CDC73: variants seen among roughly 807,000 people sequenced by gnomAD.
CDC73 encodes cell division cycle 73.
A neutral mutation model predicts 83.7 loss-of-function variants in CDC73; 21 were observed. The observed-to-expected ratio is 0.25, with a 90% CI of 0.18 to 0.36. The LOEUF (loss-of-function observed/expected upper bound fraction) is 0.36. Among genes scored for constraint, CDC73 ranks in the 10% least tolerant of loss-of-function variants. CDC73 has a pLI of 1.00. For missense variants in CDC73, 342 were observed against 653.3 expected, an observed-to-expected ratio of 0.52 and a Z score of 5.19; for synonymous variants, 224 against 212.9, an observed-to-expected ratio of 1.05 and a Z score of -0.45.
intron 10 of CDC73, among the ~76,000 whole-genome samples, chr1:193,194,187 G>A (rs929848448): frequency 6.6e-6 from 1 of 152,086 alleles, no homozygotes; most frequent in South Asian, 2.1e-4. Context: ...CACATTCAAG[G>A]TTGTACTACA....
intron 15 of CDC73, chr1:193,237,234 C>G (rs1199899164): frequency 6.6e-6 from 1 of 151,830 alleles, no homozygotes; most frequent in East Asian, 1.9e-4. Flanking sequence ...TTTTAGCAGC[C>G]CCAGTTTTTG....
chr1:193,187,102 T>TTCCCCCCC (rs1553285108), intron 10 of CDC73, among the ~76,000 whole-genome samples: 4 of 32,870 alleles, frequency 1.2e-4, no homozygotes, highest in African/African-American at 2.0e-4. Flanking sequence ...GTAATTTAGA[T>TTCCCCCCC]CCCCCCCCCC....
intron 11 of CDC73, 105 bp downstream of exon 11, chr1:193,203,957 A>G (rs143861504): frequency 1.1e-6 from 1 of 887,950 alleles, no homozygotes; most frequent in Non-Finnish European, 1.9e-6. Context: ...TTTACTTAAA[A>G]TACATTGCAA....
intron 2 of CDC73, 60 bp downstream of exon 2, chr1:193,125,277 G>C: frequency 9.2e-7 from 1 of 1,088,744 alleles, no homozygotes; most frequent in East Asian, 2.5e-5. Flanking sequence ...ATTTATTTAA[G>C]AGACAGGGTC....
At chr1:193,181,147 A>G (rs764232357) in intron 10 of CDC73, 3 of 1,614,012 alleles carry the variant, frequency 1.9e-6, no homozygotes, top group Non-Finnish European at 2.5e-6. Context: ...CTCATTAATA[A>G]TATATTTGAA....
Position 193,251,095 on chromosome 1 carries a change from A to T in CDC73, c.*383A>T, listed in dbSNP as rs556687284. On this transcript the variant is annotated 3_prime_UTR_variant, in exon 17 of 17. Transcript: ENST00000367435. ...TATAATTCTTTTTACTGAAAATACTATGTTATGAATGGTATTAAATTTTAG... is the reference window on the plus strand; with the variant it reads ...TATAATTCTTTTTACTGAAAATACTTTGTTATGAATGGTATTAAATTTTAG... The T allele has an allele frequency of 3.6e-6, 1 of 274,132 alleles. No homozygotes were observed. Among genetic ancestry groups the T allele is most frequent in the Admixed American group, 4.8e-5 (1 of 20,856 alleles). The allele number at this position is 274,132 out of a possible 1,614,324, so 17.0% of individuals were successfully genotyped here.
intron 10 of CDC73, among the ~76,000 whole-genome samples, chr1:193,167,300 C>G (rs1028442832): frequency 1.3e-5 from 2 of 152,102 alleles, no homozygotes; most frequent in Non-Finnish European, 2.9e-5. Context: ...GAAATTACTC[C>G]TGCCTGTAGT....
chr1:193,130,379 AC>A (rs1675673999), intron 3 of CDC73, 136 bp downstream of exon 3: 2 of 707,290 alleles, frequency 2.8e-6, no homozygotes. Flanking sequence ...CCATGTGCTC[AC>A]CTTTTTCTTA....
rs1678030614 is a variant in CDC73, at chr1:193,250,672, T to A, written c.1560-4T>A. On this transcript the variant is annotated splice_polypyrimidine_tract_variant and splice_region_variant and intron_variant, in intron 16 of 16. Coordinates refer to ENST00000367435, the MANE Select transcript of CDC73 (RefSeq NM_024529.5). ...ATTATAACCTACCATAATATTTTTTTCAGGTACATGGTAAAGCATAAATCG... is the reference window on the plus strand; with the variant it reads ...ATTATAACCTACCATAATATTTTTTACAGGTACATGGTAAAGCATAAATCG... 6.2e-7 allele frequency: 1 copy of A among 1,604,212 alleles called. No individual in the cohort carries two copies. The highest frequency in any genetic ancestry group is 8.5e-7 in the Non-Finnish European group (1 of 1,171,884).
At chr1:193,244,852 T>C (rs1400279485) in intron 15 of CDC73, among the ~76,000 whole-genome samples, 4 of 152,230 alleles carry the variant, frequency 2.6e-5, no homozygotes, top group African/African-American at 7.2e-5. Flanking sequence ...TACCTGAGTG[T>C]TGTATATTTA....
intron 15 of CDC73, among the ~76,000 whole-genome samples, chr1:193,237,991 C>G (rs186701426): frequency 1.1e-3 from 163 of 152,154 alleles, no homozygotes; most frequent in Middle Eastern, 6.8e-3. Context: ...AACGAGAATT[C>G]TTTTTTACCT....
Position 193,251,963 on chromosome 1 carries a change from A to G in CDC73, c.*1251A>G, listed in dbSNP as rs550417983. 23 of 230,940 alleles carry G rather than the reference A, an allele frequency of 1.0e-4. No homozygotes were observed. Among genetic ancestry groups the G allele is most frequent in the South Asian group, 7.3e-4 (4 of 5,492 alleles). The allele number at this position is 230,940 out of a possible 1,614,324, so 14.3% of individuals were successfully genotyped here. ...TTTTTCTCTGTTTTTATTCCCAGCA[A>G]TTTTCTCCTAGGTTAACATATTTTT... On this transcript the variant is annotated 3_prime_UTR_variant, in exon 17 of 17. Transcript: ENST00000367435.
intron 3 of CDC73, among the ~76,000 whole-genome samples, chr1:193,130,484 C>G (rs932875428): frequency 6.6e-6 from 1 of 152,196 alleles, no homozygotes; most frequent in African/African-American, 2.4e-5. Flanking sequence ...ACTTTGTCTT[C>G]GTAAATTGTT....
chr1:193,200,064 CAAA>C (rs34458896), intron 10 of CDC73, among the ~76,000 whole-genome samples: 24 of 138,908 alleles, frequency 1.7e-4, no homozygotes, highest in Non-Finnish European at 1.1e-4. Flanking sequence ...CTGTCTCCAC[CAAA>C]AAAAAAAAAA....
Position 193,212,058 on chromosome 1 carries a change from T to C in CDC73, c.1031-7T>C, listed in dbSNP as rs781077021. On this transcript the variant is annotated splice_polypyrimidine_tract_variant and splice_region_variant and intron_variant, in intron 11 of 16. Transcript: ENST00000367435. ...CACAGAGTTGTGATTTTTTTTCTTT[T>C]TCACAGTTTCTCAAGCAAGACCTCC... 1 of 1,579,542 alleles carries C rather than the reference T, an allele frequency of 6.3e-7. No individual in the cohort carries two copies.
chr1:193,242,846 A>C (rs1677885798), intron 15 of CDC73, among the ~76,000 whole-genome samples: 1 of 152,220 alleles, frequency 6.6e-6, no homozygotes, highest in Non-Finnish European at 1.5e-5. Context: ...GTTTGCAAAA[A>C]CAAGCAATTC....
At chr1:193,172,447 AAG>A (rs935688584) in intron 10 of CDC73, among the ~76,000 whole-genome samples, 6 of 152,120 alleles carry the variant, frequency 3.9e-5, no homozygotes, top group East Asian at 1.9e-4. Flanking sequence ...ATTAGGGAAG[AAG>A]AGAGAATTAG....
chr1:193,177,358 CAAA>C (rs10672869), intron 10 of CDC73, among the ~76,000 whole-genome samples: 19 of 69,530 alleles, frequency 2.7e-4, no homozygotes, highest in South Asian at 7.6e-4. Flanking sequence ...ACTAAAAATA[CAAA>C]AAAAAAAAAA....
intron 13 of CDC73, among the ~76,000 whole-genome samples, chr1:193,214,599 G>A (rs759734636): frequency 6.6e-6 from 1 of 152,132 alleles, no homozygotes; most frequent in South Asian, 2.1e-4. Flanking sequence ...GGTGCCTGTA[G>A]TCCCAGCTAC....
Sources: gnomAD v4.1 joint callset for allele counts (sites outside exome capture counted in the v4.1 genomes callset) on GRCh38, gnomAD v4.1.1 for gene constraint, MANE v1.5 for transcripts, NCBI Gene and HGNC (gene_info 2026-07-23, HGNC 2026-07-21) for gene names.